Variants in TMEM132D observed in about 807,000 individuals in gnomAD.
TMEM132D encodes the protein mature OL transmembrane protein.
A neutral mutation model predicts 62.3 loss-of-function variants in TMEM132D; 21 were observed. That is an observed-to-expected ratio of 0.34 (90% CI 0.24 to 0.49). The LOEUF (loss-of-function observed/expected upper bound fraction) is 0.49, where lower values mean the gene tolerates loss of function less well. Among genes scored for constraint, TMEM132D ranks in the 20% least tolerant of loss-of-function variants. TMEM132D has a pLI of 0.99. For missense variants in TMEM132D, 1,346 were observed against 1,402.8 expected (o/e 0.96, Z 0.65); for synonymous variants, 621 against 575.6 (o/e 1.08, Z -1.13).
At chr12:129,313,159 A>ATTT (rs1882022508) in intron 4 of TMEM132D, among the ~76,000 whole-genome samples, 1 of 131,490 alleles carries the variant, frequency 7.6e-6, no homozygotes. Context: ...CAAGAGACAT[A>ATTT]CATTTTATTT....
intron 3 of TMEM132D, among the ~76,000 whole-genome samples, chr12:129,346,219 T>C (rs148562500): frequency 0.017 from 2,543 of 152,316 alleles, 82 homozygotes; most frequent in East Asian, 0.13. Flanking sequence ...TTCTAGTTTA[T>C]TTTCCTGGAG....
At chr12:129,612,411 G>T (rs1449909789) in intron 2 of TMEM132D, among the ~76,000 whole-genome samples, 1 of 152,002 alleles carries the variant, frequency 6.6e-6, no homozygotes, top group Non-Finnish European at 1.5e-5. Context: ...GGACGCTTGG[G>T]GGACCAAGAA....
At chr12:129,328,786 G>T (rs897781622) in intron 4 of TMEM132D, among the ~76,000 whole-genome samples, 1 of 152,062 alleles carries the variant, frequency 6.6e-6, no homozygotes, top group African/African-American at 2.4e-5. Context: ...GAGAGGGATG[G>T]AGTGGACTGG....
At chr12:129,661,892 T>C (rs1245953273) in intron 2 of TMEM132D, among the ~76,000 whole-genome samples, 1 of 152,228 alleles carries the variant, frequency 6.6e-6, no homozygotes, top group Non-Finnish European at 1.5e-5. Flanking sequence ...TTGTATAAAA[T>C]ATGGCTGGTC....
chr12:129,130,647 C>A (rs965277948), intron 5 of TMEM132D, among the ~76,000 whole-genome samples: 1 of 152,062 alleles, frequency 6.6e-6, no homozygotes, highest in African/African-American at 2.4e-5. Flanking sequence ...CAGAGCATAG[C>A]GTCAGGCAGT....
intron 1 of TMEM132D, among the ~76,000 whole-genome samples, chr12:129,871,046 C>T (rs1200357553): frequency 2.0e-5 from 3 of 152,074 alleles, no homozygotes; most frequent in Non-Finnish European, 4.4e-5. Context: ...TCCCAGAAAT[C>T]CTGGTCCTGT....
At chr12:129,494,097 C>T (rs1353643102) in intron 3 of TMEM132D, among the ~76,000 whole-genome samples, 1 of 152,186 alleles carries the variant, frequency 6.6e-6, no homozygotes, top group Non-Finnish European at 1.5e-5. Flanking sequence ...TCCAACAAGC[C>T]TGCCTCACAT....
chr12:129,696,831 T>G (rs1231649078), intron 2 of TMEM132D, among the ~76,000 whole-genome samples: 1 of 152,216 alleles, frequency 6.6e-6, no homozygotes, highest in East Asian at 1.9e-4. Context: ...TGGGATTGAA[T>G]GAGATCGTTA....
intron 3 of TMEM132D, among the ~76,000 whole-genome samples, chr12:129,506,522 T>A (rs960181255): frequency 6.6e-6 from 1 of 152,034 alleles, no homozygotes; most frequent in South Asian, 2.1e-4. Context: ...CACAGACCAA[T>A]TGAACAGAAT....
intron 2 of TMEM132D, among the ~76,000 whole-genome samples, chr12:129,551,435 G>T (rs1480355748): frequency 6.6e-6 from 1 of 152,180 alleles, no homozygotes; most frequent in Non-Finnish European, 1.5e-5. Context: ...TAGCAGCTCA[G>T]GGGTTGAATG....
chr12:129,518,677 T>A (rs2137079339), intron 3 of TMEM132D, among the ~76,000 whole-genome samples: 1 of 152,194 alleles, frequency 6.6e-6, no homozygotes, highest in African/African-American at 2.4e-5. Flanking sequence ...AACATACCAG[T>A]AAATTGAGAG....
At chr12:129,140,384 G>A (rs925761675) in intron 5 of TMEM132D, among the ~76,000 whole-genome samples, 7 of 152,138 alleles carry the variant, frequency 4.6e-5, no homozygotes, top group African/African-American at 9.6e-5. Flanking sequence ...CCCCAGAAAC[G>A]TTTCCCCATG....
At chr12:129,880,587 G>A (rs1250962217) in intron 1 of TMEM132D, among the ~76,000 whole-genome samples, 6 of 152,154 alleles carry the variant, frequency 3.9e-5, no homozygotes. Flanking sequence ...AACCAAAAGT[G>A]GGAAAGAGGA....
intron 1 of TMEM132D, among the ~76,000 whole-genome samples, chr12:129,854,009 C>T (rs1873631460): frequency 6.6e-6 from 1 of 152,074 alleles, no homozygotes; most frequent in African/African-American, 2.4e-5. Context: ...AAAGAAAAGC[C>T]ACCTTGGGGG....
intron 2 of TMEM132D, among the ~76,000 whole-genome samples, chr12:129,694,541 C>A (rs764301519): frequency 2.6e-5 from 4 of 152,190 alleles, no homozygotes; most frequent in Non-Finnish European, 5.9e-5. Context: ...TCGGAGTATG[C>A]GCCTGTAACA....
At chr12:129,133,271 T>C (rs769994058) in intron 5 of TMEM132D, among the ~76,000 whole-genome samples, 1 of 152,240 alleles carries the variant, frequency 6.6e-6, no homozygotes, top group Non-Finnish European at 1.5e-5. Context: ...GTAGCAAATG[T>C]CTAGGACTTG....
intron 2 of TMEM132D, among the ~76,000 whole-genome samples, chr12:129,618,562 G>T (rs1878981889): frequency 6.6e-6 from 1 of 152,176 alleles, no homozygotes; most frequent in African/African-American, 2.4e-5. Context: ...TTCTACTACA[G>T]ATAACCTTCA....
chr12:129,849,698 C>T (rs769447258), intron 1 of TMEM132D, among the ~76,000 whole-genome samples: 1 of 152,200 alleles, frequency 6.6e-6, no homozygotes. Context: ...TTTACTGAGG[C>T]CAGTTCCCTG....
At chr12:129,291,459 G>A (rs1307853869) in intron 4 of TMEM132D, among the ~76,000 whole-genome samples, 1 of 152,114 alleles carries the variant, frequency 6.6e-6, no homozygotes, top group South Asian at 2.1e-4. Flanking sequence ...TCTTGTTCTA[G>A]ATGTCTTTTC....
Sources: gnomAD v4.1 joint callset for allele counts (sites outside exome capture counted in the v4.1 genomes callset) on GRCh38, gnomAD v4.1.1 for gene constraint, MANE v1.5 for transcripts, NCBI Gene and HGNC (gene_info 2026-07-23, HGNC 2026-07-21) for gene names.